RAD51B: variants seen among roughly 807,000 people sequenced by gnomAD.
RAD51B encodes DNA repair protein RAD51 homolog 2.
In RAD51B, 38 loss-of-function variants were observed where a neutral mutation model predicts 42.2. That is an observed-to-expected ratio of 0.90 (90% CI 0.70 to 1.18). The LOEUF (loss-of-function observed/expected upper bound fraction) is 1.18. RAD51B is among the 50% of genes most tolerant of loss of function. The probability of loss-of-function intolerance (pLI) is 0.00; values close to 1 mark genes in which losing one functional copy is unlikely to be tolerated. For synonymous variants in RAD51B, 154 were observed against 145.2 expected (o/e 1.06, Z -0.43); for missense variants, 373 against 400.7 (o/e 0.93, Z 0.59).
chr14:68,168,859 A>G (rs1033037979), intron 7 of RAD51B, among the ~76,000 whole-genome samples: 1 of 152,124 alleles, frequency 6.6e-6, no homozygotes, highest in South Asian at 2.1e-4. Context: ...AGTGAACATG[A>G]TGTTCATGAA....
In RAD51B at chr14:67,940,454, A is replaced by C. The variant is rs75383658; in HGVS notation, c.756+53250A>C. ...AAAACTGAACTCACCCAGCTAGCCA[A>C]ACTATCTCTCTGTTGTCTTTCCACT... On this transcript the variant is annotated intron_variant, in intron 7 of 10. Coordinates refer to ENST00000471583, the MANE Select transcript of RAD51B (RefSeq NM_133510.4). Among the ~76,000 whole-genome samples, 10 of 152,222 alleles carry C rather than the reference A, an allele frequency of 6.6e-5. No homozygotes were observed. In the East Asian group the frequency reaches 1.9e-3, roughly 29 times the overall value.
intron 7 of RAD51B, among the ~76,000 whole-genome samples, chr14:67,983,724 A>G (rs2075134647): frequency 6.6e-6 from 1 of 152,190 alleles, no homozygotes; most frequent in Non-Finnish European, 1.5e-5. Flanking sequence ...AGCAACAAGC[A>G]CATTAACCAT....
intron 7 of RAD51B, among the ~76,000 whole-genome samples, chr14:68,254,244 A>T (rs1029592899): frequency 2.6e-5 from 4 of 152,154 alleles, no homozygotes; most frequent in African/African-American, 9.7e-5. Flanking sequence ...TAAAAGATTT[A>T]TTTTAAAAAA....
downstream of RAD51B, among the ~76,000 whole-genome samples, chr14:68,600,306 G>A (rs189159264): frequency 1.1e-4 from 16 of 152,332 alleles, no homozygotes; most frequent in East Asian, 7.7e-4. Flanking sequence ...GACTGGGCCC[G>A]TCATGTAATC....
At chr14:68,007,149 C>A (rs971776600) in intron 7 of RAD51B, among the ~76,000 whole-genome samples, 4 of 152,046 alleles carry the variant, frequency 2.6e-5, no homozygotes, top group South Asian at 2.1e-4. Context: ...TGCTTGGTTT[C>A]TTTTACTTAG....
In RAD51B at chr14:68,667,128, G is replaced by T. The variant is rs116080501; in HGVS notation, c.*11+16272G>T. 2.0e-3 allele frequency among the ~76,000 whole-genome samples: 305 copies of T among 152,370 alleles called. 3 individuals are homozygous for T. Among genetic ancestry groups the T allele is most frequent in the African/African-American group, 7.0e-3 (292 of 41,576 alleles). On this transcript the variant is annotated intron_variant, in intron 11 of 11. Transcript: ENST00000488612. Reference sequence around the variant, plus strand: ...GATGTAGCTATAGACGAGATGGAGAGAGATGGATTTAAGGGAATTGACGTA... The same window carrying T: ...GATGTAGCTATAGACGAGATGGAGATAGATGGATTTAAGGGAATTGACGTA...
intron 9 of RAD51B, among the ~76,000 whole-genome samples, chr14:68,461,585 G>A (rs73278352): frequency 0.014 from 2,135 of 152,210 alleles, 49 homozygotes; most frequent in African/African-American, 0.049. Flanking sequence ...GTTCTCATCA[G>A]CATTATTACT....
intron 8 of RAD51B, among the ~76,000 whole-genome samples, chr14:68,293,011 A>G (rs2139664871): frequency 6.6e-6 from 1 of 152,244 alleles, no homozygotes; most frequent in African/African-American, 2.4e-5. Flanking sequence ...TTCTTTCCGC[A>G]TGTATCTTTC....
intron 7 of RAD51B, among the ~76,000 whole-genome samples, chr14:68,007,197 A>G (rs1207863190): frequency 6.6e-6 from 1 of 152,068 alleles, no homozygotes; most frequent in African/African-American, 2.4e-5. Flanking sequence ...TACAACATGT[A>G]TTTATGCTTA....
At chr14:68,067,633 A>G (rs568477028) in intron 7 of RAD51B, among the ~76,000 whole-genome samples, 3 of 152,258 alleles carry the variant, frequency 2.0e-5, no homozygotes, top group African/African-American at 7.2e-5. Context: ...ACTATTCAGT[A>G]TGGAAGATAA....
intron 7 of RAD51B, among the ~76,000 whole-genome samples, chr14:67,888,278 A>T (rs188759244): frequency 6.6e-6 from 1 of 152,348 alleles, no homozygotes; most frequent in East Asian, 1.9e-4. Flanking sequence ...GGTTAAAATG[A>T]TAAATTCAAA....
chr14:67,997,018 A>T (rs936588136), intron 7 of RAD51B, among the ~76,000 whole-genome samples: 1 of 152,218 alleles, frequency 6.6e-6, no homozygotes, highest in African/African-American at 2.4e-5. Context: ...AGTGCATTTT[A>T]CATCAACTTA....
At chr14:68,472,228 C>T (rs1177812950) in intron 10 of RAD51B, 1 of 152,516 alleles carries the variant, frequency 6.6e-6, no homozygotes, top group Non-Finnish European at 1.5e-5. Flanking sequence ...GTTGACCCAC[C>T]TCTCCTCTGG....
At chr14:68,243,216 A>G (rs1290127872) in intron 7 of RAD51B, among the ~76,000 whole-genome samples, 1 of 152,196 alleles carries the variant, frequency 6.6e-6, no homozygotes, top group Non-Finnish European at 1.5e-5. Context: ...ACATATGATA[A>G]TTAATGATAT....
At chr14:68,582,336 T>C (rs1435411030) in intron 10 of RAD51B, among the ~76,000 whole-genome samples, 1 of 152,172 alleles carries the variant, frequency 6.6e-6, no homozygotes, top group Non-Finnish European at 1.5e-5. Context: ...CATCAAAAAG[T>C]GGTCAAAGGA....
At chr14:67,890,386 T>G (rs2140063234) in intron 7 of RAD51B, among the ~76,000 whole-genome samples, 3 of 152,056 alleles carry the variant, frequency 2.0e-5, no homozygotes. Flanking sequence ...TGGGGATTTT[T>G]TTTTTTCCAC....
intron 7 of RAD51B, among the ~76,000 whole-genome samples, chr14:68,196,903 T>G (rs1487274453): frequency 6.6e-6 from 1 of 152,236 alleles, no homozygotes; most frequent in Admixed American, 6.5e-5. Flanking sequence ...GAGTATACTT[T>G]GTTTGAAGAC....
intron 7 of RAD51B, among the ~76,000 whole-genome samples, chr14:68,184,636 A>C (rs991126011): frequency 4.6e-5 from 7 of 151,262 alleles, no homozygotes; most frequent in Non-Finnish European, 1.0e-4. Flanking sequence ...AAAAAAAAAA[A>C]CAGGAAGAAG....
chr14:68,251,518 G>A (rs1244170360), intron 7 of RAD51B, among the ~76,000 whole-genome samples: 1 of 152,048 alleles, frequency 6.6e-6, no homozygotes, highest in Non-Finnish European at 1.5e-5. Context: ...CTCTAATGTT[G>A]GGGAAAACAA....
Sources: gnomAD v4.1 joint callset for allele counts (sites outside exome capture counted in the v4.1 genomes callset) on GRCh38, gnomAD v4.1.1 for gene constraint, MANE v1.5 for transcripts, NCBI Gene and HGNC (gene_info 2026-07-23, HGNC 2026-07-21) for gene names.